Variants in GPHN observed in about 807,000 individuals in gnomAD.
GPHN encodes the protein gephyrin.
GPHN carries 17 observed loss-of-function variants against 95.5 expected under a neutral mutation model. The observed-to-expected ratio is 0.18, with a 90% CI of 0.12 to 0.27. The LOEUF is 0.27. Among genes scored for constraint, GPHN ranks in the 10% least tolerant of loss-of-function variants. The probability of loss-of-function intolerance (pLI) is 1.00; values close to 1 mark genes in which losing one functional copy is unlikely to be tolerated. For synonymous variants in GPHN, 320 were observed against 322.5 expected (o/e 0.99, Z 0.08); for missense variants, 660 against 978.1 (o/e 0.67, Z 4.34).
chr14:67,211,274 G>A, the GPHN span, among the ~76,000 whole-genome samples: 1 of 152,064 alleles, frequency 6.6e-6, no homozygotes, highest in African/African-American at 2.4e-5. Flanking sequence ...GAGGAAGGAA[G>A]GAAAGAGAGA....
chr14:67,667,945 A>G, the GPHN span, among the ~76,000 whole-genome samples: 1 of 152,202 alleles, frequency 6.6e-6, no homozygotes, highest in African/African-American at 2.4e-5. Context: ...CTCCATCTCA[A>G]AAAACAAAAA....
At chr14:67,169,577 T>A (rs1381217799) in intron 21 of GPHN, among the ~76,000 whole-genome samples, 1 of 152,186 alleles carries the variant, frequency 6.6e-6, no homozygotes, top group Non-Finnish European at 1.5e-5. Flanking sequence ...ACCTGGAAAT[T>A]AGGTCTCCTT....
At chr14:66,689,454 C>G (rs1471862696) in intron 2 of GPHN, among the ~76,000 whole-genome samples, 1 of 152,098 alleles carries the variant, frequency 6.6e-6, no homozygotes, top group East Asian at 1.9e-4. Flanking sequence ...ATTCTGTTTG[C>G]TAGTATGTGG....
chr14:67,585,271 G>C, the GPHN span: 1 of 312,964 alleles, frequency 3.2e-6, no homozygotes, highest in Non-Finnish European at 6.0e-6. Flanking sequence ...GTAGCACAGA[G>C]CTTTCCATCC....
At chr14:66,627,645 G>T (rs949061498) in intron 1 of GPHN, among the ~76,000 whole-genome samples, 4 of 151,930 alleles carry the variant, frequency 2.6e-5, no homozygotes, top group Non-Finnish European at 5.9e-5. Flanking sequence ...CTTTAAAGTA[G>T]TCCCATCAGT....
At chr14:67,198,212 T>G in the GPHN span, 1 of 1,613,794 alleles carries the variant, frequency 6.2e-7, no homozygotes, top group Non-Finnish European at 8.5e-7. Flanking sequence ...AGCAAGATGC[T>G]CTCTGCACCC....
chr14:67,573,198 G>T, the GPHN span: 1 of 852,038 alleles, frequency 1.2e-6, no homozygotes. This position sits in a 1 kb window ranked among gnomAD's most constrained non-coding sequence, Gnocchi z 4.8. Context: ...TGAGGCAGCT[G>T]GACCACTTGG....
intron 19 of GPHN, among the ~76,000 whole-genome samples, chr14:67,159,947 A>C (rs780203911): frequency 6.6e-6 from 1 of 152,188 alleles, no homozygotes; most frequent in East Asian, 1.9e-4. Context: ...TGAAATAATA[A>C]TACTAACAAC....
At chr14:66,807,187 C>T (rs888295573) in intron 3 of GPHN, among the ~76,000 whole-genome samples, 4 of 152,228 alleles carry the variant, frequency 2.6e-5, no homozygotes, top group Admixed American at 6.5e-5. Context: ...CATCAGATCT[C>T]GTGAGACTTA....
At chr14:66,927,708 C>T (rs2066555834) in intron 8 of GPHN, among the ~76,000 whole-genome samples, 1 of 151,868 alleles carries the variant, frequency 6.6e-6, no homozygotes, top group Admixed American at 6.6e-5. Context: ...TGTTGAGGAA[C>T]GTTCCTTCTA....
chr14:67,208,655 C>T, the GPHN span, among the ~76,000 whole-genome samples: 1 of 152,094 alleles, frequency 6.6e-6, no homozygotes, highest in African/African-American at 2.4e-5. Flanking sequence ...CAACTTGTCA[C>T]GTTACTCAGC....
At chr14:67,102,934 A>G (rs1222452702) in intron 13 of GPHN, among the ~76,000 whole-genome samples, 1 of 152,222 alleles carries the variant, frequency 6.6e-6, no homozygotes, top group Non-Finnish European at 1.5e-5. Flanking sequence ...ATTCTCATCC[A>G]TACTGCACCA....
At chr14:67,395,473 C>T in the GPHN span, 1 of 1,614,068 alleles carries the variant, frequency 6.2e-7, no homozygotes, top group Non-Finnish European at 8.5e-7. Flanking sequence ...TCCCCGGCTG[C>T]CCTGCATGAA....
At chr14:67,585,239 A>G in the GPHN span, 4 of 211,620 alleles carry the variant, frequency 1.9e-5, no homozygotes, top group Non-Finnish European at 3.7e-5. Context: ...CTAACAGAGC[A>G]GCTAGGGCTG....
the GPHN span, among the ~76,000 whole-genome samples, chr14:67,709,139 A>C: frequency 3.3e-5 from 5 of 152,244 alleles, no homozygotes; most frequent in Non-Finnish European, 4.4e-5. Flanking sequence ...CATAATTTAT[A>C]GTTTGATTTT....
the GPHN span, among the ~76,000 whole-genome samples, chr14:67,674,101 G>A: frequency 2.6e-5 from 4 of 152,228 alleles, no homozygotes; most frequent in African/African-American, 9.6e-5. Flanking sequence ...CAGGACCGCA[G>A]ATGCAAAAGC....
intron 5 of GPHN, among the ~76,000 whole-genome samples, chr14:66,899,196 A>G (rs1402780988): frequency 6.6e-6 from 1 of 151,158 alleles, no homozygotes; most frequent in Non-Finnish European, 1.5e-5. Context: ...TGTATAGACA[A>G]TCACATCATC....
chr14:67,609,273 C>T, the GPHN span, among the ~76,000 whole-genome samples: 2 of 152,114 alleles, frequency 1.3e-5, no homozygotes, highest in South Asian at 2.1e-4. Context: ...GGAATACTTA[C>T]GCTTACTGGT....
the GPHN span, among the ~76,000 whole-genome samples, chr14:67,215,919 C>A: frequency 0.15 from 22,529 of 152,090 alleles, 3,122 homozygotes; most frequent in East Asian, 0.42. Flanking sequence ...TCTTTCCTTG[C>A]CCAAAACAAA....
Sources: allele counts gnomAD v4.1 joint callset (sites outside exome capture counted in the v4.1 genomes callset), GRCh38; gene constraint gnomAD v4.1.1; non-coding constraint Gnocchi (gnomAD v3.1); transcripts MANE v1.5; gene names NCBI Gene and HGNC (gene_info 2026-07-23, HGNC 2026-07-21).